The following CDKAL1 variants were observed in gnomAD, a reference collection of about 807,000 sequenced individuals.
CDKAL1 encodes CDKAL1 threonylcarbamoyladenosine tRNA methylthiotransferase, also known as threonylcarbamoyladenosine tRNA methylthiotransferase.
CDKAL1 carries 32 observed loss-of-function variants against 68.2 expected under a neutral mutation model. The ratio of observed to expected loss-of-function variants is 0.47; its 90% CI spans 0.35 to 0.63. The LOEUF is 0.63. CDKAL1 is among the 30% of genes least tolerant of loss of function. CDKAL1 has a pLI of 0.00. For missense variants in CDKAL1, 606 were observed against 696.7 expected, an observed-to-expected ratio of 0.87 and a Z score of 1.47; for synonymous variants, 234 against 244.3, an observed-to-expected ratio of 0.96 and a Z score of 0.39.
At chr6:20,676,541 C>T (rs560441662) in intron 5 of CDKAL1, among the ~76,000 whole-genome samples, 10 of 152,062 alleles carry the variant, frequency 6.6e-5, no homozygotes, top group African/African-American at 2.4e-4. Context: ...GTGGCAGGCG[C>T]CTGTGGTCCC....
intron 8 of CDKAL1, among the ~76,000 whole-genome samples, chr6:20,781,797 T>C (rs959593840): frequency 6.6e-6 from 1 of 152,234 alleles, no homozygotes; most frequent in Non-Finnish European, 1.5e-5. Context: ...CTTGGTATAC[T>C]CATTTATACT....
At chr6:20,674,559 C>G (rs1770001168) in intron 5 of CDKAL1, among the ~76,000 whole-genome samples, 1 of 152,128 alleles carries the variant, frequency 6.6e-6, no homozygotes, top group Non-Finnish European at 1.5e-5. Flanking sequence ...TTCATCACCT[C>G]AAACATTTAT....
At chr6:21,010,563 C>G (rs1767953612) in intron 11 of CDKAL1, among the ~76,000 whole-genome samples, 1 of 152,126 alleles carries the variant, frequency 6.6e-6, no homozygotes, top group Non-Finnish European at 1.5e-5. Flanking sequence ...TTCTCACATT[C>G]ACTGAGCCCT....
intron 12 of CDKAL1, among the ~76,000 whole-genome samples, chr6:21,083,937 A>C (rs1403858624): frequency 2.6e-5 from 4 of 152,180 alleles, no homozygotes; most frequent in Admixed American, 2.0e-4. Context: ...AGAAGATCTG[A>C]GAAGGTATAT....
chr6:20,557,435 A>G (rs1361910725), intron 4 of CDKAL1, among the ~76,000 whole-genome samples: 1 of 152,204 alleles, frequency 6.6e-6, no homozygotes, highest in Non-Finnish European at 1.5e-5. Flanking sequence ...ATAGAATTAT[A>G]TACAGAGAAA....
intron 8 of CDKAL1, among the ~76,000 whole-genome samples, chr6:20,844,694 A>AG (rs1554129760): frequency 2.8e-5 from 3 of 108,948 alleles, no homozygotes; most frequent in Non-Finnish European, 6.7e-5. Context: ...TATTAAAAAA[A>AG]AAAAGAAACA....
chr6:20,891,536 A>ATTTT (rs5874791), intron 9 of CDKAL1, among the ~76,000 whole-genome samples: 2 of 127,504 alleles, frequency 1.6e-5, no homozygotes, highest in Admixed American at 8.1e-5. Context: ...TTTTTTCTGT[A>ATTTT]TTTTTTTTTT....
intron 9 of CDKAL1, among the ~76,000 whole-genome samples, chr6:20,921,137 A>T (rs935812337): frequency 6.6e-6 from 1 of 152,198 alleles, no homozygotes; most frequent in African/African-American, 2.4e-5. Context: ...TCTTTAAAAA[A>T]AATAATAAAC....
intron 11 of CDKAL1, among the ~76,000 whole-genome samples, chr6:21,007,266 C>T (rs567727727): frequency 6.6e-6 from 1 of 151,864 alleles, no homozygotes; most frequent in East Asian, 1.9e-4. Context: ...TAGCAAAACC[C>T]CATCTCTACA....
chr6:21,066,552 G>C (rs9460593), intron 12 of CDKAL1, among the ~76,000 whole-genome samples: 92,083 of 152,104 alleles, frequency 0.61, 28,073 homozygotes, highest in Middle Eastern at 0.69. Flanking sequence ...CCTACTACAT[G>C]ACAATCAAGA....
At chr6:20,718,430 G>A (rs192021071) in intron 5 of CDKAL1, among the ~76,000 whole-genome samples, 101 of 152,264 alleles carry the variant, frequency 6.6e-4, no homozygotes, top group Admixed American at 5.1e-3. Flanking sequence ...ATCTTACAGA[G>A]GCATCCATTT....
At chr6:20,794,339 G>A (rs972438022) in intron 8 of CDKAL1, among the ~76,000 whole-genome samples, 1 of 152,094 alleles carries the variant, frequency 6.6e-6, no homozygotes, top group Non-Finnish European at 1.5e-5. Context: ...TGTTTGGATA[G>A]ATAGTAGAGT....
intron 11 of CDKAL1, 126 bp downstream of exon 11, chr6:21,000,498 C>A (rs989143668): frequency 5.0e-6 from 4 of 806,038 alleles, no homozygotes; most frequent in Non-Finnish European, 5.8e-6. Flanking sequence ...TCGAAGCTTT[C>A]AAAGCCTTTA....
In CDKAL1 at chr6:20,938,766, CT is replaced by C. The variant is rs199820572; in HGVS notation, c.743-16644del. On this transcript the variant is annotated intron_variant, in intron 9 of 15. Coordinates refer to ENST00000274695, the MANE Select transcript of CDKAL1 (RefSeq NM_017774.3). The stretch of plus-strand genomic sequence containing the variant: ...AAGCTCAATTTATTATTTTTACAAC[CT>C]TTTTTTTTCTGTTGAATATATATAG... Among the ~76,000 whole-genome samples, 69 of 151,168 alleles carry C rather than the reference CT, an allele frequency of 4.6e-4. No individual in the cohort carries two copies. The East Asian group carries it at 8.7e-3, about 19-fold the overall frequency.
intron 15 of CDKAL1, among the ~76,000 whole-genome samples, chr6:21,206,467 A>G (rs1199734216): frequency 6.6e-6 from 1 of 152,220 alleles, no homozygotes; most frequent in Non-Finnish European, 1.5e-5. Context: ...GTTATAACAC[A>G]TCGCTTGAAT....
intron 9 of CDKAL1, among the ~76,000 whole-genome samples, chr6:20,909,635 A>G (rs751312156): frequency 6.6e-6 from 1 of 152,202 alleles, no homozygotes; most frequent in Admixed American, 6.5e-5. Flanking sequence ...ACATATTTCA[A>G]TGCTTTGAGC....
At chr6:20,724,714 C>T (rs918249725) in intron 5 of CDKAL1, among the ~76,000 whole-genome samples, 4 of 152,152 alleles carry the variant, frequency 2.6e-5, no homozygotes, top group African/African-American at 7.2e-5. Context: ...AACAAACAAA[C>T]AAATTCATTT....
chr6:20,835,379 G>C (rs141825128), intron 8 of CDKAL1, among the ~76,000 whole-genome samples: 53 of 152,266 alleles, frequency 3.5e-4, no homozygotes, highest in Non-Finnish European at 3.4e-4. Context: ...CACAAAAGGA[G>C]CCTTTTGAGT....
chr6:20,816,121 C>T (rs189464282), intron 8 of CDKAL1, among the ~76,000 whole-genome samples: 11 of 8,038 alleles, frequency 1.4e-3, no homozygotes, highest in Non-Finnish European at 2.3e-3. Flanking sequence ...CTTAATATGT[C>T]CCCCCCCCCG....
Sources: gnomAD v4.1 joint callset for allele counts (sites outside exome capture counted in the v4.1 genomes callset) on GRCh38, gnomAD v4.1.1 for gene constraint, MANE v1.5 for transcripts, NCBI Gene and HGNC (gene_info 2026-07-23, HGNC 2026-07-21) for gene names.